The following SLX4IP variants were observed in gnomAD, a reference collection of about 807,000 sequenced individuals.
SLX4IP encodes protein SLX4IP.
A neutral mutation model predicts 32.9 loss-of-function variants in SLX4IP; 34 were observed. The ratio of observed to expected loss-of-function variants is 1.03; its 90% confidence interval spans 0.79 to 1.38. The LOEUF is 1.38. Ranked by LOEUF, SLX4IP falls within the 40% of genes most tolerant of loss-of-function variation. The probability of loss-of-function intolerance (pLI) is 0.00; values close to 1 mark genes in which losing one functional copy is unlikely to be tolerated. For missense variants in SLX4IP, 444 were observed against 479.0 expected, an observed-to-expected ratio of 0.93 and a Z score of 0.68; for synonymous variants, 172 against 171.7, an observed-to-expected ratio of 1.00 and a Z score of -0.01.
At chr20:10,447,553 T>C (rs1441057979) in intron 1 of SLX4IP, among the ~76,000 whole-genome samples, 1 of 152,204 alleles carries the variant, frequency 6.6e-6, no homozygotes, top group African/African-American at 2.4e-5. Flanking sequence ...AAAGAAGTTG[T>C]TTCTACTGGT....
intron 2 of SLX4IP, among the ~76,000 whole-genome samples, chr20:10,540,128 C>CTTCCTTCCTTCT (rs1568730800): frequency 6.2e-5 from 9 of 145,636 alleles, no homozygotes; most frequent in South Asian, 4.5e-4. Context: ...TCCTTCCTTC[C>CTTCCTTCCTTCT]TTCCTTCCTT....
chr20:10,523,731 G>A (rs538269400), intron 2 of SLX4IP, among the ~76,000 whole-genome samples: 2 of 152,234 alleles, frequency 1.3e-5, no homozygotes, highest in Admixed American at 1.3e-4. Flanking sequence ...AGAACTGTCT[G>A]CTGGAGGAGG....
At chr20:10,602,811 A>G (rs2066858655) in intron 6 of SLX4IP, among the ~76,000 whole-genome samples, 1 of 152,342 alleles carries the variant, frequency 6.6e-6, no homozygotes, top group South Asian at 2.1e-4. Context: ...AAATAAATAC[A>G]TAAGAAGAGT....
intron 6 of SLX4IP, among the ~76,000 whole-genome samples, chr20:10,618,436 G>A (rs186293469): frequency 1.3e-5 from 2 of 152,222 alleles, no homozygotes; most frequent in African/African-American, 4.8e-5. Flanking sequence ...GGGTGGACAT[G>A]AGGCAGATGG....
chr20:10,519,565 G>A (rs2065886131), intron 2 of SLX4IP, among the ~76,000 whole-genome samples: 1 of 152,144 alleles, frequency 6.6e-6, no homozygotes, highest in South Asian at 2.1e-4. Context: ...TTCTTTCTAT[G>A]ATTGAATAAT....
Position 10,547,702 on chromosome 20 carries a change from G to GT in SLX4IP, c.28-8521dup, listed in dbSNP as rs939936590. ...TAAACCATTAGCTTGATTCTGCAGT[G>GT]TTTTTTTTCCTGCGTTCAGGGTGCA... On this transcript the variant is annotated intron_variant, in intron 2 of 7. Coordinates refer to ENST00000334534, the MANE Select transcript of SLX4IP (RefSeq NM_001009608.3). Among the ~76,000 whole-genome samples the GT allele has an allele frequency of 5.8e-4, 88 of 152,142 alleles. 1 individual carries two copies. The highest frequency in any genetic ancestry group is 4.3e-3 in the Admixed American group (66 of 15,282).
intron 1 of SLX4IP, among the ~76,000 whole-genome samples, chr20:10,445,653 C>T: frequency 7.1e-6 from 1 of 140,098 alleles, no homozygotes. Context: ...GAGATGGAGT[C>T]TCACTCTGTC....
At position 10,625,191 on chromosome 20, in the gene SLX4IP, T is replaced by C. The variant is rs1365635375; in HGVS notation, c.*1812T>C. 1 of 152,250 alleles carries C rather than the reference T, an allele frequency of 6.6e-6. No homozygotes were observed. The highest frequency in any genetic ancestry group is 2.4e-5 in the African/African-American group (1 of 41,452). 9.4% of individuals were successfully genotyped at this position (152,250 alleles called of 1,614,324 possible). A position where few individuals can be genotyped will look rare whatever the true frequency, so the allele number is the denominator to read the frequency against. ...TTCCATGGCCCACTGTAGGCGCCTC[T>C]CTTAGAGCAAACAGTATTTTAGGTG... On this transcript the variant is annotated 3_prime_UTR_variant, in exon 8 of 8. Coordinates refer to ENST00000334534, the MANE Select transcript of SLX4IP (RefSeq NM_001009608.3).
chr20:10,456,917 A>G (rs6108586), intron 1 of SLX4IP, among the ~76,000 whole-genome samples: 71,946 of 151,964 alleles, frequency 0.47, 18,943 homozygotes, highest in Non-Finnish European at 0.6. Context: ...ATATTTTATG[A>G]CTTTTGGTGT....
intron 6 of SLX4IP, among the ~76,000 whole-genome samples, chr20:10,615,567 G>A (rs1035416652): frequency 6.6e-6 from 1 of 152,126 alleles, no homozygotes; most frequent in African/African-American, 2.4e-5. Flanking sequence ...CTACAGCTCA[G>A]ACCTCCCTCT....
intron 2 of SLX4IP, among the ~76,000 whole-genome samples, chr20:10,499,314 A>G (rs1339714154): frequency 6.6e-6 from 1 of 152,220 alleles, no homozygotes; most frequent in Non-Finnish European, 1.5e-5. Context: ...CAATATGCAT[A>G]TGCACACAAC....
chr20:10,621,650 C>T (rs962393153), intron 7 of SLX4IP, among the ~76,000 whole-genome samples: 2 of 152,070 alleles, frequency 1.3e-5, no homozygotes, highest in Non-Finnish European at 2.9e-5. Flanking sequence ...AGATGAAAAG[C>T]ACCTGTTGGT....
chr20:10,463,860 C>G (rs111576172), intron 2 of SLX4IP, among the ~76,000 whole-genome samples: 1 of 152,122 alleles, frequency 6.6e-6, no homozygotes, highest in East Asian at 1.9e-4. Flanking sequence ...TAACTCACTG[C>G]GGCCTTGAAC....
intron 1 of SLX4IP, among the ~76,000 whole-genome samples, chr20:10,453,884 A>T (rs935791065): frequency 4.0e-5 from 6 of 151,452 alleles, no homozygotes; most frequent in African/African-American, 1.5e-4. Flanking sequence ...CATTTTTTTA[A>T]TTTTTGCTGA....
chr20:10,588,290 G>A (rs781020300), intron 4 of SLX4IP, among the ~76,000 whole-genome samples: 5 of 152,164 alleles, frequency 3.3e-5, no homozygotes, highest in Admixed American at 6.6e-5. Flanking sequence ...GGAAATGCAC[G>A]TTATGACCAC....
chr20:10,479,354 T>TTTTTC (rs201694733), intron 2 of SLX4IP, among the ~76,000 whole-genome samples: 29,019 of 95,594 alleles, frequency 0.3, 3,485 homozygotes, highest in South Asian at 0.52. Context: ...CCATATTTCT[T>TTTTTC]TTTTTTTTTT....
intron 2 of SLX4IP, among the ~76,000 whole-genome samples, chr20:10,534,448 C>G (rs2066019517): frequency 6.6e-6 from 1 of 152,094 alleles, no homozygotes; most frequent in African/African-American, 2.4e-5. Context: ...ATCATTGTTT[C>G]AAAAAGAGGT....
At chr20:10,607,704 C>T (rs1048396821) in intron 6 of SLX4IP, among the ~76,000 whole-genome samples, 1 of 151,998 alleles carries the variant, frequency 6.6e-6, no homozygotes, top group East Asian at 1.9e-4. Context: ...TCTGAAAATG[C>T]TGGTAGTGAG....
intron 6 of SLX4IP, among the ~76,000 whole-genome samples, chr20:10,620,517 A>C (rs1174235868): frequency 6.6e-6 from 1 of 152,202 alleles, no homozygotes; most frequent in African/African-American, 2.4e-5. Flanking sequence ...ACCAATATTA[A>C]AAGATTTGAC....
Sources: allele counts gnomAD v4.1 joint callset (sites outside exome capture counted in the v4.1 genomes callset), GRCh38; gene constraint gnomAD v4.1.1; transcripts MANE v1.5; gene names NCBI Gene and HGNC (gene_info 2026-07-23, HGNC 2026-07-21).